The following ARL15 variants were observed in gnomAD, a reference collection of about 807,000 sequenced individuals.
ARL15 encodes ARF like GTPase 15.
In ARL15, 19 loss-of-function variants were observed where a neutral mutation model predicts 25.2. The ratio of observed to expected loss-of-function variants is 0.75; its 90% CI spans 0.53 to 1.10. The LOEUF (loss-of-function observed/expected upper bound fraction) is 1.10. ARL15 is among the 50% of genes least tolerant of loss of function. The pLI is 0.00. For missense variants in ARL15, 220 were observed against 246.0 expected, an observed-to-expected ratio of 0.89 and a Z score of 0.71; for synonymous variants, 94 against 86.8, an observed-to-expected ratio of 1.08 and a Z score of -0.46.
intron 4 of ARL15, among the ~76,000 whole-genome samples, chr5:53,956,094 C>CA (rs1467725904): frequency 6.6e-6 from 1 of 151,770 alleles, no homozygotes; most frequent in East Asian, 1.9e-4. Context: ...GATATACATT[C>CA]AAAAAAAGAC....
chr5:54,181,168 G>T (rs1202054391), intron 1 of ARL15, among the ~76,000 whole-genome samples: 2 of 152,058 alleles, frequency 1.3e-5, no homozygotes, highest in African/African-American at 4.8e-5. Context: ...TAGATCAGAG[G>T]AATAGGATTT....
At chr5:54,066,641 C>T (rs1751243146) in intron 4 of ARL15, among the ~76,000 whole-genome samples, 1 of 152,102 alleles carries the variant, frequency 6.6e-6, no homozygotes, top group African/African-American at 2.4e-5. Context: ...ATGGTCACAA[C>T]TCAGGAGGTA....
At chr5:54,194,837 T>G (rs116219277) in intron 1 of ARL15, among the ~76,000 whole-genome samples, 53 of 152,268 alleles carry the variant, frequency 3.5e-4, no homozygotes, top group Non-Finnish European at 6.2e-4. Context: ...TGAACCATGT[T>G]TGATCTAACT....
intron 4 of ARL15, among the ~76,000 whole-genome samples, chr5:53,954,953 C>T (rs1381315113): frequency 6.6e-6 from 1 of 151,960 alleles, no homozygotes; most frequent in Non-Finnish European, 1.5e-5. Flanking sequence ...TGGAATCTGC[C>T]TAAGAAATAG....
intron 1 of ARL15, among the ~76,000 whole-genome samples, chr5:54,255,716 TTTG>T (rs1238300775): frequency 3.3e-5 from 5 of 152,188 alleles, no homozygotes; most frequent in Non-Finnish European, 7.3e-5. Flanking sequence ...CAGTCAAAAC[TTTG>T]TTTCATGAAT....
At chr5:54,198,127 G>A (rs1755607355) in intron 1 of ARL15, among the ~76,000 whole-genome samples, 1 of 152,054 alleles carries the variant, frequency 6.6e-6, no homozygotes, top group South Asian at 2.1e-4. Context: ...AATAAATTAG[G>A]TATTGATGGG....
At chr5:53,995,773 G>A (rs980966907) in intron 4 of ARL15, among the ~76,000 whole-genome samples, 29 of 152,094 alleles carry the variant, frequency 1.9e-4, no homozygotes, top group African/African-American at 6.8e-4. Flanking sequence ...CCCACAAAAT[G>A]CTAGCAGTGA....
intron 1 of ARL15, 136 bp from the exon 2 acceptor site, chr5:54,172,064 T>G (rs1191502694): frequency 6.0e-5 from 64 of 1,067,890 alleles, no homozygotes; most frequent in Non-Finnish European, 7.7e-6. Context: ...AACGGTAACT[T>G]TAGAACAGTG....
intron 1 of ARL15, among the ~76,000 whole-genome samples, chr5:54,302,740 C>T (rs2112715842): frequency 8.8e-6 from 1 of 114,230 alleles, no homozygotes; most frequent in East Asian, 3.0e-4. Context: ...GAGCAGTAAA[C>T]CAGGCATGGG....
chr5:53,900,549 A>G, intron 4 of ARL15, among the ~76,000 whole-genome samples: 2 of 1,848 alleles, frequency 1.1e-3, no homozygotes, highest in African/African-American at 3.5e-3. Flanking sequence ...AGGGCACAGA[A>G]ATGAAAAAAA....
intron 1 of ARL15, among the ~76,000 whole-genome samples, chr5:54,243,685 C>G (rs1341508275): frequency 6.6e-6 from 1 of 152,202 alleles, no homozygotes; most frequent in Admixed American, 6.5e-5. Flanking sequence ...GGGCAGCAGT[C>G]ACTCATGAAT....
intron 1 of ARL15, among the ~76,000 whole-genome samples, chr5:54,216,242 A>G (rs1756202421): frequency 6.6e-6 from 1 of 152,202 alleles, no homozygotes; most frequent in Non-Finnish European, 1.5e-5. Context: ...TACTCTTTCA[A>G]AAAGTATCAC....
At chr5:54,308,935 C>T (rs988284834) in intron 1 of ARL15, among the ~76,000 whole-genome samples, 1 of 152,138 alleles carries the variant, frequency 6.6e-6, no homozygotes, top group African/African-American at 2.4e-5. Context: ...TGGTAATTAT[C>T]CCAACAAACT....
intron 1 of ARL15, among the ~76,000 whole-genome samples, chr5:54,259,442 A>G (rs962446554): frequency 1.3e-5 from 2 of 152,184 alleles, no homozygotes; most frequent in African/African-American, 4.8e-5. Context: ...CAGCAACTCA[A>G]CATTTCTATT....
intron 4 of ARL15, among the ~76,000 whole-genome samples, chr5:53,894,528 C>G (rs575094281): frequency 8.5e-5 from 13 of 152,110 alleles, no homozygotes; most frequent in Non-Finnish European, 7.4e-5. Context: ...TTTGGTATGC[C>G]TTAGGGGCTT....
chr5:53,938,932 G>A (rs552084366), intron 4 of ARL15, among the ~76,000 whole-genome samples: 7 of 152,310 alleles, frequency 4.6e-5, no homozygotes, highest in South Asian at 2.1e-4. Context: ...GTCAGTTTAC[G>A]ACACAAATTT....
chr5:54,250,183 C>T (rs1026202438), intron 1 of ARL15, among the ~76,000 whole-genome samples: 5 of 152,046 alleles, frequency 3.3e-5, no homozygotes, highest in Middle Eastern at 3.2e-3. Flanking sequence ...AGGCACCACA[C>T]ACCTTTAAAC....
chr5:54,030,375 A>G (rs555090652), intron 4 of ARL15, among the ~76,000 whole-genome samples: 9 of 152,318 alleles, frequency 5.9e-5, no homozygotes, highest in Non-Finnish European at 1.0e-4. Flanking sequence ...TATTGTAACT[A>G]TCATTTCTTA....
chr5:53,945,661 G>C (rs1301730139), intron 4 of ARL15, among the ~76,000 whole-genome samples: 1 of 152,060 alleles, frequency 6.6e-6, no homozygotes, highest in Non-Finnish European at 1.5e-5. Flanking sequence ...TGAAAAATGA[G>C]TTGCAAAAAC....
Sources: allele counts gnomAD v4.1 joint callset (sites outside exome capture counted in the v4.1 genomes callset), GRCh38; gene constraint gnomAD v4.1.1; transcripts MANE v1.5; gene names NCBI Gene and HGNC (gene_info 2026-07-23, HGNC 2026-07-21).